BET1: variants seen among roughly 807,000 people sequenced by gnomAD.
BET1 encodes BET1 homolog.
A neutral mutation model predicts 13.9 loss-of-function variants in BET1; 9 were observed. The observed-to-expected ratio is 0.65, with a 90% confidence interval of 0.39 to 1.13. BET1 has a LOEUF of 1.13. Ranked by LOEUF, BET1 falls within the 50% of genes most tolerant of loss-of-function variation. BET1 has a pLI of 0.01. For missense variants in BET1, 127 were observed against 133.6 expected (o/e 0.95, Z 0.24); for synonymous variants, 39 against 47.3 (o/e 0.82, Z 0.72).
At chr7:93,980,802 A>G (rs1795414538) in intron 4 of BET1, among the ~76,000 whole-genome samples, 1 of 152,232 alleles carries the variant, frequency 6.6e-6, no homozygotes, top group African/African-American at 2.4e-5. Flanking sequence ...ACGCATCCAT[A>G]TCAGAAAGGA....
chr7:93,999,066 G>A, intron 2 of BET1, 104 bp downstream of exon 2: 3 of 920,548 alleles, frequency 3.3e-6, no homozygotes, highest in Non-Finnish European at 4.4e-6. Context: ...CAGTATCTGA[G>A]TAAATGAATT....
At chr7:93,995,266 G>A (rs1199434244) in intron 3 of BET1, among the ~76,000 whole-genome samples, 3 of 152,092 alleles carry the variant, frequency 2.0e-5, no homozygotes, top group African/African-American at 7.2e-5. Context: ...ATATGGATGG[G>A]GAAAAACTAA....
exon 7 of BET1, chr7:93,965,365 G>A (rs1795156654): frequency 6.6e-6 from 1 of 151,854 alleles, no homozygotes; most frequent in African/African-American, 2.4e-5. Flanking sequence ...AGATTCAAGT[G>A]ATTTTAACAG....
At chr7:93,985,338 T>C (rs1346135631) in intron 4 of BET1, among the ~76,000 whole-genome samples, 1 of 152,182 alleles carries the variant, frequency 6.6e-6, no homozygotes, top group Non-Finnish European at 1.5e-5. Context: ...GGTTGTTTAA[T>C]GGCTCTGGGC....
chr7:93,994,525 TA>T, intron 3 of BET1, 140 bp from the exon 4 acceptor site: 1 of 917,010 alleles, frequency 1.1e-6, no homozygotes, highest in East Asian at 2.7e-5. Flanking sequence ...AGCCTGTTGA[TA>T]ACCTTGGATA....
At chr7:93,997,224 C>A (rs1252009569) in intron 2 of BET1, among the ~76,000 whole-genome samples, 1 of 152,072 alleles carries the variant, frequency 6.6e-6, no homozygotes. Flanking sequence ...AAATATTGTT[C>A]TTCATCTGTG....
intron 5 of BET1, among the ~76,000 whole-genome samples, chr7:93,974,784 A>G (rs367668958): frequency 2.0e-5 from 3 of 152,036 alleles, no homozygotes; most frequent in African/African-American, 7.2e-5. Flanking sequence ...AGGAGAAATA[A>G]TATTTGCATT....
intron 5 of BET1, among the ~76,000 whole-genome samples, chr7:93,973,321 A>C (rs1303044842): frequency 2.0e-5 from 3 of 151,634 alleles, no homozygotes; most frequent in Admixed American, 1.3e-4. Flanking sequence ...TGTTGAGCAG[A>C]ATTGAACAGT....
At chr7:93,969,365 G>A (rs1278932611) in intron 6 of BET1, 2 of 151,826 alleles carry the variant, frequency 1.3e-5, no homozygotes, top group Admixed American at 1.3e-4. Context: ...CTTTGGGAAG[G>A]ATCTGGCTTC....
intron 4 of BET1, among the ~76,000 whole-genome samples, chr7:93,986,947 G>A (rs1447592909): frequency 6.6e-6 from 1 of 152,128 alleles, no homozygotes; most frequent in Non-Finnish European, 1.5e-5. Flanking sequence ...TAGCCTGGAA[G>A]CAATGGGGTA....
At chr7:93,999,378 C>A in intron 1 of BET1, 84 bp from the exon 2 acceptor site, 1 of 1,506,338 alleles carries the variant, frequency 6.6e-7, no homozygotes, top group South Asian at 1.4e-5. Context: ...AAAAAGACCC[C>A]TGGAGGGCCT....
At chr7:93,988,976 A>C (rs904615401), downstream of BET1, among the ~76,000 whole-genome samples, 1 of 148,062 alleles carries the variant, frequency 6.8e-6, no homozygotes, top group Non-Finnish European at 1.5e-5. Context: ...TATATAAAAG[A>C]TATATAAATA....
intron 1 of BET1, among the ~76,000 whole-genome samples, chr7:94,003,553 GT>G (rs1230176925): frequency 6.6e-6 from 1 of 152,018 alleles, no homozygotes; most frequent in Non-Finnish European, 1.5e-5. Context: ...AAAATTCCTT[GT>G]GTCTAACTTA....
At chr7:93,975,865 A>C in intron 5 of BET1, 1 of 993,144 alleles carries the variant, frequency 1.0e-6, no homozygotes, top group Non-Finnish European at 1.3e-6. Flanking sequence ...AATTTTCAAA[A>C]TATTATGAGA....
intron 4 of BET1, among the ~76,000 whole-genome samples, chr7:93,980,636 A>G (rs1188912841): frequency 6.6e-6 from 1 of 152,160 alleles, no homozygotes; most frequent in Non-Finnish European, 1.5e-5. Context: ...AAGGCCATAC[A>G]TGGAAAGCCC....
downstream of BET1, among the ~76,000 whole-genome samples, chr7:93,989,790 G>C (rs1259119455): frequency 6.6e-6 from 1 of 152,148 alleles, no homozygotes; most frequent in East Asian, 1.9e-4. Context: ...GGTTTAAAAT[G>C]CTCTCTGTGT....
At chr7:93,964,256 A>G (rs903338374) in exon 7 of BET1, 1 of 151,882 alleles carries the variant, frequency 6.6e-6, no homozygotes, top group African/African-American at 2.4e-5. Flanking sequence ...TAGTTTTTCA[A>G]CCCATACCTT....
intron 6 of BET1, chr7:93,972,296 C>T (rs570612994): frequency 6.6e-6 from 1 of 151,930 alleles, no homozygotes; most frequent in South Asian, 2.1e-4. Context: ...CTATCATTGT[C>T]GTTGGCTTAA....
At chr7:93,989,728 CA>C (rs1307555734), downstream of BET1, among the ~76,000 whole-genome samples, 1 of 152,198 alleles carries the variant, frequency 6.6e-6, no homozygotes, top group Non-Finnish European at 1.5e-5. Context: ...ATTTTGAAGA[CA>C]AAAGAGTGTG....
Sources: gnomAD v4.1 joint callset for allele counts (sites outside exome capture counted in the v4.1 genomes callset) on GRCh38, gnomAD v4.1.1 for gene constraint, MANE v1.5 for transcripts, NCBI Gene and HGNC (gene_info 2026-07-23, HGNC 2026-07-21) for gene names.